The following SLC5A1 variants were observed in gnomAD, a reference collection of about 807,000 sequenced individuals.
SLC5A1 encodes the protein solute carrier family 5 member 1.
Under a neutral mutation model 73.5 loss-of-function variants are expected in SLC5A1, and 42 were observed. The ratio of observed to expected loss-of-function variants is 0.57; its 90% CI spans 0.45 to 0.74. The LOEUF (loss-of-function observed/expected upper bound fraction) is 0.74, where lower values mean the gene tolerates loss of function less well. Among genes scored for constraint, SLC5A1 ranks in the 30% least tolerant of loss-of-function variants. The pLI, the probability that SLC5A1 is intolerant of heterozygous loss-of-function variation, is 0.00. For missense variants in SLC5A1, 634 were observed against 855.4 expected (o/e 0.74, Z 3.23); for synonymous variants, 300 against 317.4 (o/e 0.95, Z 0.58).
intron 2 of SLC5A1, among the ~76,000 whole-genome samples, chr22:32,064,441 A>C (rs1385259591): frequency 6.6e-6 from 1 of 151,686 alleles, no homozygotes; most frequent in East Asian, 1.9e-4. Flanking sequence ...GGTTGCAGTG[A>C]GTTGAGATGG....
intron 11 of SLC5A1, among the ~76,000 whole-genome samples, chr22:32,097,636 T>C (rs1056229395): frequency 1.3e-5 from 2 of 152,138 alleles, no homozygotes; most frequent in African/African-American, 2.4e-5. Context: ...AACTCCATTA[T>C]TATGAAGAAG....
intron 5 of SLC5A1, among the ~76,000 whole-genome samples, chr22:32,071,871 A>G (rs1177440122): frequency 6.6e-6 from 1 of 152,192 alleles, no homozygotes; most frequent in African/African-American, 2.4e-5. Flanking sequence ...TTGAGACAAC[A>G]GCAACATTAA....
At chr22:32,105,424 G>A (rs2094043920) in intron 14 of SLC5A1, among the ~76,000 whole-genome samples, 1 of 151,842 alleles carries the variant, frequency 6.6e-6, no homozygotes, top group African/African-American at 2.4e-5. Context: ...CTCCTGAGTA[G>A]CTGGGAATAC....
At chr22:32,092,610 A>AT (rs951858178) in intron 11 of SLC5A1, among the ~76,000 whole-genome samples, 75 of 151,768 alleles carry the variant, frequency 4.9e-4, no homozygotes, top group Admixed American at 9.2e-4. Flanking sequence ...ACCAATATCT[A>AT]TTTTTTTTAT....
chr22:32,096,085 T>C (rs2094025844), intron 11 of SLC5A1, among the ~76,000 whole-genome samples: 2 of 152,168 alleles, frequency 1.3e-5, no homozygotes, highest in African/African-American at 2.4e-5. Flanking sequence ...GCTTTCCTGG[T>C]ATATTCCTGC....
At position 32,110,428 on chromosome 22, in the gene SLC5A1, T is replaced by C. The variant is rs1021194855; in HGVS notation, c.*215T>C. 6.7e-6 allele frequency: 4 copies of C among 596,414 alleles called. No homozygotes were observed. Among genetic ancestry groups the C allele is most frequent in the Admixed American group, 2.6e-5 (1 of 38,778 alleles). 36.9% of individuals were successfully genotyped at this position (596,414 alleles called of 1,614,324 possible). A position where few individuals can be genotyped will look rare whatever the true frequency, so the allele number is the denominator to read the frequency against. ...GTGTGATACAGCCATCTGTACCTAC[T>C]GGAGCTGCAGAAGGGAAGTCCACTC... On this transcript the variant is annotated 3_prime_UTR_variant, in exon 15 of 15. Transcript: ENST00000266088.
At chr22:32,107,139 T>C (rs768761021) in intron 14 of SLC5A1, among the ~76,000 whole-genome samples, 12 of 152,190 alleles carry the variant, frequency 7.9e-5, no homozygotes, top group Admixed American at 1.3e-4. Context: ...CAGCTGGCCA[T>C]GGTGCTGAAA....
intron 5 of SLC5A1, among the ~76,000 whole-genome samples, chr22:32,069,103 C>T (rs1050523284): frequency 3.3e-5 from 5 of 152,104 alleles, no homozygotes; most frequent in African/African-American, 1.2e-4. Context: ...GAAATGCTGT[C>T]ATTTGTTGTG....
At chr22:32,052,147 C>T (rs1048253532) in intron 2 of SLC5A1, among the ~76,000 whole-genome samples, 3 of 152,164 alleles carry the variant, frequency 2.0e-5, no homozygotes, top group Non-Finnish European at 4.4e-5. Flanking sequence ...GCTAAGACTT[C>T]CTCTGATCTT....
intron 14 of SLC5A1, among the ~76,000 whole-genome samples, chr22:32,105,196 T>A (rs1000142211): frequency 6.6e-6 from 1 of 152,134 alleles, no homozygotes; most frequent in African/African-American, 2.4e-5. Context: ...AGGCATGCAA[T>A]CATGCCTGCA....
chr22:32,046,274 C>T (rs5998221), intron 1 of SLC5A1, among the ~76,000 whole-genome samples: 4,940 of 152,256 alleles, frequency 0.032, 250 homozygotes, highest in African/African-American at 0.11. Context: ...TTCCCACTCC[C>T]CAAGACACTT....
chr22:32,068,598 T>C lies in SLC5A1; in HGVS notation c.475T>C (p.Ser159Pro), dbSNP rs933026071. 3.2e-5 allele frequency: 52 copies of C among 1,606,114 alleles called. No individual in the cohort carries two copies. The highest frequency in any genetic ancestry group is 4.1e-5 in the Non-Finnish European group (48 of 1,173,436). The change falls in exon 5 of 15, where the codon TCG becomes CCG. Residue 159 changes from serine to proline, a missense_variant and splice_region_variant. Around this residue, in one of 3 missense-constraint regions of SLC5A1, gnomAD observed 422 missense variants for 626.1 expected, o/e 0.67. Coordinates refer to ENST00000266088, the MANE Select transcript of SLC5A1 (RefSeq NM_000343.4). ...GCTGCTCTACATTTTCACCAAGATC[T>C]CGGTGAGTCCACTGCCCCAGAGGGC... ...SLLLYIFTKI[S>P]ADIFSGAIFI...
chr22:32,100,403 T>C (rs1235833887), intron 12 of SLC5A1, among the ~76,000 whole-genome samples: 1 of 152,174 alleles, frequency 6.6e-6, no homozygotes, highest in Non-Finnish European at 1.5e-5. Context: ...ATCCTTTTCT[T>C]TTTCCAGATC....
intron 1 of SLC5A1, among the ~76,000 whole-genome samples, chr22:32,048,245 T>C (rs1480706761): frequency 6.7e-6 from 1 of 149,116 alleles, no homozygotes; most frequent in African/African-American, 2.5e-5. Flanking sequence ...GAGAAGCCAA[T>C]AACACAGAAG....
chr22:32,066,428 C>T (rs988809402), intron 2 of SLC5A1, among the ~76,000 whole-genome samples: 15 of 152,176 alleles, frequency 9.9e-5, no homozygotes, highest in African/African-American at 3.6e-4. Flanking sequence ...CAGCTCCACG[C>T]CCCTCCTCAT....
At chr22:32,082,164 T>G (rs1371438780) in intron 6 of SLC5A1, among the ~76,000 whole-genome samples, 193 bp downstream of exon 6, 2 of 152,074 alleles carry the variant, frequency 1.3e-5, no homozygotes, top group Non-Finnish European at 2.9e-5. Context: ...CAGAAAGCTG[T>G]GGTGTTGGCT....
chr22:32,090,438 T>C (rs977656945), intron 10 of SLC5A1, among the ~76,000 whole-genome samples: 5 of 152,202 alleles, frequency 3.3e-5, no homozygotes, highest in South Asian at 4.1e-4. Flanking sequence ...TTACTTAACA[T>C]AATGTTTGCA....
intron 2 of SLC5A1, among the ~76,000 whole-genome samples, chr22:32,055,367 C>T (rs1004610336): frequency 1.3e-5 from 2 of 152,150 alleles, no homozygotes; most frequent in African/African-American, 4.8e-5. Flanking sequence ...TGTCCCAATC[C>T]AGGAAGTGTG....
intron 2 of SLC5A1, among the ~76,000 whole-genome samples, chr22:32,063,644 G>A (rs938114010): frequency 6.6e-6 from 1 of 152,068 alleles, no homozygotes; most frequent in African/African-American, 2.4e-5. Context: ...TTGTGCTTTA[G>A]GGAGGTTGCT....
Sources: allele counts gnomAD v4.1 joint callset (sites outside exome capture counted in the v4.1 genomes callset), GRCh38; gene constraint gnomAD v4.1.1; regional missense constraint gnomAD v4.1.1; transcripts MANE v1.5; gene names NCBI Gene and HGNC (gene_info 2026-07-23, HGNC 2026-07-21).